RSPO3: variants seen among roughly 807,000 people sequenced by gnomAD.
RSPO3 encodes the protein R-spondin 3, also known as R-spondin-3.
In RSPO3, 17 loss-of-function variants were observed where a neutral mutation model predicts 36.5. The observed-to-expected ratio is 0.47, with a 90% CI of 0.32 to 0.70. The LOEUF (loss-of-function observed/expected upper bound fraction) is 0.70. RSPO3 is among the 30% of genes least tolerant of loss of function. The probability of loss-of-function intolerance (pLI) is 0.04; values close to 1 mark genes in which losing one functional copy is unlikely to be tolerated. For missense variants in RSPO3, 294 were observed against 322.5 expected, an observed-to-expected ratio of 0.91 and a Z score of 0.68; for synonymous variants, 108 against 107.0, an observed-to-expected ratio of 1.01 and a Z score of -0.06.
Position 127,195,889 on chromosome 6 carries a change from A to C in RSPO3, c.701A>C (p.Asp234Ala), listed in dbSNP as rs749410599. The change falls in exon 5 of 5, where the codon GAC becomes GCC. Residue 234 changes from aspartate (D) to alanine (A), a missense_variant. Asp to Ala is a moderately radical substitution (Grantham distance 126). This residue lies in a region of RSPO3 where 190 missense variants were observed against 185.2 expected (regional missense o/e 1.03). Coordinates refer to ENST00000356698, the MANE Select transcript of RSPO3 (RefSeq NM_032784.5). ...NKGESKEAIP[D>A]SKSLESSKEI... is the part of the protein sequence containing the mutation. ...GGAGAAAGTAAAGAAGCAATACCTG[A>C]CAGCAAAAGTCTGGAATCCAGCAAA... The C allele has an allele frequency of 9.9e-6, 16 of 1,612,440 alleles. No homozygotes were observed. The highest frequency in any genetic ancestry group is 1.4e-5 in the Non-Finnish European group (16 of 1,178,984).
At chr6:127,132,553 C>T (rs2114551162) in intron 1 of RSPO3, among the ~76,000 whole-genome samples, 1 of 152,066 alleles carries the variant, frequency 6.6e-6, no homozygotes, top group East Asian at 1.9e-4. Context: ...AGTTCAAATG[C>T]AATTCTTGGC....
chr6:127,183,470 G>T (rs1247531141), intron 4 of RSPO3, among the ~76,000 whole-genome samples: 1 of 151,928 alleles, frequency 6.6e-6, no homozygotes, highest in East Asian at 1.9e-4. Flanking sequence ...GGTTGTTTGG[G>T]ACACTGGGTA....
chr6:127,182,156 T>C (rs559224615), intron 4 of RSPO3, among the ~76,000 whole-genome samples: 2 of 151,748 alleles, frequency 1.3e-5, no homozygotes, highest in Non-Finnish European at 2.9e-5. Context: ...GGAACTAATA[T>C]AGAGTGAGAA....
chr6:127,137,757 T>C (rs1204482933), intron 1 of RSPO3, among the ~76,000 whole-genome samples: 2 of 152,348 alleles, frequency 1.3e-5, no homozygotes, highest in Admixed American at 6.5e-5. Flanking sequence ...AGTTCCATAA[T>C]CATTCCTATC....
Position 127,197,506 on chromosome 6 carries a change from C to CT in RSPO3, c.*1500dup. On this transcript the variant is annotated 3_prime_UTR_variant, in exon 5 of 5. Coordinates refer to ENST00000356698, the MANE Select transcript of RSPO3 (RefSeq NM_032784.5). ...CCACCCCTTGCAGGAGGAGGTATCT[C>CT]TGAGTGTGCAGCACAGAATCGCATG... 6.4e-7 allele frequency: 1 copy of CT among 1,550,558 alleles called. No individual in the cohort carries two copies. Among genetic ancestry groups the CT allele is most frequent in the Non-Finnish European group, 8.7e-7 (1 of 1,146,966 alleles).
chr6:127,142,741 G>A (rs1774299430), intron 1 of RSPO3, among the ~76,000 whole-genome samples: 1 of 152,052 alleles, frequency 6.6e-6, no homozygotes, highest in Non-Finnish European at 1.5e-5. Context: ...GATACTTTCT[G>A]TTAAACATTT....
At chr6:127,151,143 T>C (rs1466709099) in intron 3 of RSPO3, among the ~76,000 whole-genome samples, 4 of 151,918 alleles carry the variant, frequency 2.6e-5, no homozygotes, top group Non-Finnish European at 5.9e-5. Context: ...ATCTCACTCT[T>C]TTTCTCTCAT....
chr6:127,127,796 ACTCT>A (rs1438155693), intron 1 of RSPO3, among the ~76,000 whole-genome samples: 1 of 151,048 alleles, frequency 6.6e-6, no homozygotes, highest in African/African-American at 2.4e-5. Context: ...TCTTTCTCTT[ACTCT>A]CTCTTCTTTC....
At chr6:127,137,930 T>C (rs1774193496) in intron 1 of RSPO3, among the ~76,000 whole-genome samples, 1 of 152,344 alleles carries the variant, frequency 6.6e-6, no homozygotes, top group Non-Finnish European at 1.5e-5. Context: ...ATCTTTTGTC[T>C]CTCAGTATGA....
chr6:127,167,537 G>T lies in RSPO3; in HGVS notation c.634+12099G>T, dbSNP rs189812216. Among the ~76,000 whole-genome samples, 51 of 151,684 alleles carry T rather than the reference G, an allele frequency of 3.4e-4. No homozygotes were observed. In the East Asian group the frequency reaches 9.0e-3, roughly 27 times the overall value. Reference sequence around the variant, plus strand: ...CAGTCTATCATTGATCACCATTTGGGTTGATTCCATGTCTATGCTATTGTG... The same window carrying T: ...CAGTCTATCATTGATCACCATTTGGTTTGATTCCATGTCTATGCTATTGTG... On this transcript the variant is annotated intron_variant, in intron 4 of 4. Transcript: ENST00000356698.
At chr6:127,139,228 T>C (rs1774220706) in intron 1 of RSPO3, among the ~76,000 whole-genome samples, 1 of 152,226 alleles carries the variant, frequency 6.6e-6, no homozygotes, top group African/African-American at 2.4e-5. Flanking sequence ...AAGCTGGAGT[T>C]TTTAAAAATG....
At chr6:127,153,407 T>C (rs1434487233) in intron 3 of RSPO3, among the ~76,000 whole-genome samples, 4 of 152,046 alleles carry the variant, frequency 2.6e-5, no homozygotes, top group African/African-American at 9.7e-5. Flanking sequence ...TATTCTACAG[T>C]GTTTCTCTAA....
At chr6:127,135,420 A>T (rs1774136340) in intron 1 of RSPO3, among the ~76,000 whole-genome samples, 1 of 135,086 alleles carries the variant, frequency 7.4e-6, no homozygotes, top group African/African-American at 3.5e-5. Flanking sequence ...AATCCATAAA[A>T]AAAAAAAAAA....
intron 4 of RSPO3, among the ~76,000 whole-genome samples, chr6:127,184,128 A>G (rs1474314513): frequency 6.6e-6 from 1 of 152,102 alleles, no homozygotes. Flanking sequence ...CATGGGGATT[A>G]TAGGAACTAT....
At chr6:127,144,640 C>CTTTTTTTTTTTTTTTTTTTT (rs140423963) in intron 1 of RSPO3, among the ~76,000 whole-genome samples, 6 of 61,322 alleles carry the variant, frequency 9.8e-5, no homozygotes, top group African/African-American at 2.7e-4. Context: ...GTAGCTTCCC[C>CTTTTTTTTTTTTTTTTTTTT]TTGTTTTTTT....
intron 4 of RSPO3, among the ~76,000 whole-genome samples, chr6:127,159,814 A>T (rs1376489586): frequency 6.6e-6 from 1 of 151,640 alleles, no homozygotes; most frequent in East Asian, 1.9e-4. Flanking sequence ...ACACCTGGCT[A>T]ATTTTTTGTA....
chr6:127,155,172 T>C lies in RSPO3; in HGVS notation c.437-69T>C, dbSNP rs910755984. On this transcript the variant is annotated intron_variant, in intron 3 of 4. Coordinates refer to ENST00000356698, the MANE Select transcript of RSPO3 (RefSeq NM_032784.5). ...GGGCAAGTTCTGATGGAAGCAAATC[T>C]TTTTTTAACTCAACAATAGTGAAAG... The C allele has an allele frequency of 3.3e-6, 5 of 1,498,492 alleles. No individual in the cohort carries two copies. The African/African-American group carries it at 4.2e-5, about 12-fold the overall frequency. The allele number at this position is 1,498,492 out of a possible 1,614,324, so 92.8% of individuals were successfully genotyped here.
At chr6:127,125,040 G>A (rs979711807) in intron 1 of RSPO3, among the ~76,000 whole-genome samples, 1 of 151,950 alleles carries the variant, frequency 6.6e-6, no homozygotes, top group Non-Finnish European at 1.5e-5. Context: ...TAAAAAACAG[G>A]GTTGCAGGTG....
intron 2 of RSPO3, among the ~76,000 whole-genome samples, chr6:127,149,066 G>A (rs971486364): frequency 6.6e-6 from 1 of 152,034 alleles, no homozygotes; most frequent in Non-Finnish European, 1.5e-5. Flanking sequence ...TGAAAGCAAA[G>A]GCTGGGAATA....
Sources: gnomAD v4.1 joint callset for allele counts (sites outside exome capture counted in the v4.1 genomes callset) on GRCh38, gnomAD v4.1.1 for gene constraint, gnomAD v4.1.1 regional missense constraint, MANE v1.5 for transcripts, NCBI Gene and HGNC (gene_info 2026-07-23, HGNC 2026-07-21) for gene names.